The following TSPAN13 variants were observed in gnomAD, a reference collection of about 807,000 sequenced individuals.
TSPAN13 encodes the protein tetraspanin-13.
In TSPAN13, 18 loss-of-function variants were observed where a neutral mutation model predicts 26.9. The observed-to-expected ratio is 0.67, with a 90% CI of 0.46 to 0.99. TSPAN13 has a LOEUF of 0.99. Ranked by LOEUF, TSPAN13 falls within the 50% of genes least tolerant of loss-of-function variation. TSPAN13 has a pLI of 0.00. For missense variants in TSPAN13, 201 were observed against 249.6 expected, an observed-to-expected ratio of 0.81 and a Z score of 1.31; for synonymous variants, 116 against 98.4, an observed-to-expected ratio of 1.18 and a Z score of -1.06.
chr7:16,772,306 A>G (rs1447819281), intron 1 of TSPAN13, among the ~76,000 whole-genome samples: 1 of 152,160 alleles, frequency 6.6e-6, no homozygotes, highest in African/African-American at 2.4e-5. Context: ...TCAAACTCCA[A>G]ATAGGTGAAT....
chr7:16,768,977 A>G (rs1055996258), intron 1 of TSPAN13, among the ~76,000 whole-genome samples: 3 of 151,976 alleles, frequency 2.0e-5, no homozygotes, highest in Admixed American at 2.0e-4. Flanking sequence ...CCTGGGTTCA[A>G]GCTATTTCTG....
chr7:16,781,243 C>A (rs559129676), intron 5 of TSPAN13, among the ~76,000 whole-genome samples: 1 of 152,228 alleles, frequency 6.6e-6, no homozygotes, highest in African/African-American at 2.4e-5. Context: ...CAGAAACAAT[C>A]ATTTATATTG....
At chr7:16,757,725 T>C (rs1244990180) in intron 1 of TSPAN13, among the ~76,000 whole-genome samples, 5 of 152,210 alleles carry the variant, frequency 3.3e-5, no homozygotes, top group Admixed American at 2.6e-4. Flanking sequence ...CTTATACTTT[T>C]GGTTGTTTTG....
At chr7:16,774,289 T>G (rs1784714912) in intron 1 of TSPAN13, among the ~76,000 whole-genome samples, 1 of 152,176 alleles carries the variant, frequency 6.6e-6, no homozygotes. Flanking sequence ...TAGATATAGA[T>G]GTATTTCCTA....
intron 1 of TSPAN13, among the ~76,000 whole-genome samples, chr7:16,768,266 G>C (rs1319867588): frequency 1.3e-5 from 2 of 152,162 alleles, no homozygotes; most frequent in African/African-American, 4.8e-5. Context: ...AGTCCTAGGT[G>C]TCTCTCACAT....
Position 16,753,838 on chromosome 7 carries a change from C to G in TSPAN13, c.-130C>G. 2.0e-6 allele frequency: 2 copies of G among 991,334 alleles called. No individual in the cohort carries two copies. Among genetic ancestry groups the G allele is most frequent in the East Asian group, 2.8e-5 (1 of 36,240 alleles). The allele number at this position is 991,334 out of a possible 1,614,324, so 61.4% of individuals were successfully genotyped here. A position where few individuals can be genotyped will look rare whatever the true frequency, so the allele number is the denominator to read the frequency against. ...CGCCGCGCACTGCAGCCCCAGGCCC[C>G]GGCCCCCCACCCACGTCTGCGTTGC... On this transcript the variant is annotated 5_prime_UTR_variant, in exon 1 of 6. Coordinates refer to ENST00000262067, the MANE Select transcript of TSPAN13 (RefSeq NM_014399.4).
chr7:16,772,603 A>C (rs1283013980), intron 1 of TSPAN13, among the ~76,000 whole-genome samples: 6 of 152,090 alleles, frequency 3.9e-5, no homozygotes, highest in African/African-American at 1.4e-4. Flanking sequence ...CTCTCTCTTA[A>C]GGATACCTGT....
chr7:16,773,930 T>A (rs1018973372), intron 1 of TSPAN13, among the ~76,000 whole-genome samples: 5 of 152,242 alleles, frequency 3.3e-5, no homozygotes, highest in African/African-American at 1.2e-4. Context: ...AATGTGATGG[T>A]TGATTTTATA....
chr7:16,764,033 A>T (rs970506930), intron 1 of TSPAN13, among the ~76,000 whole-genome samples: 6 of 151,958 alleles, frequency 3.9e-5, no homozygotes, highest in Non-Finnish European at 8.8e-5. Context: ...TTTTATTTTT[A>T]TTTGAGATGG....
chr7:16,770,203 T>TTTA (rs1462605722), intron 1 of TSPAN13, among the ~76,000 whole-genome samples: 2 of 151,144 alleles, frequency 1.3e-5, no homozygotes, highest in African/African-American at 4.8e-5. Flanking sequence ...ATTTTATTAT[T>TTTA]TTATTATTAT....
intron 1 of TSPAN13, 56 bp downstream of exon 1, chr7:16,754,086 C>T (rs373740374): frequency 2.6e-6 from 4 of 1,565,984 alleles, no homozygotes; most frequent in South Asian, 1.1e-5. Context: ...TGCTTGGGAG[C>T]TCTTTGGCTT....
intron 1 of TSPAN13, among the ~76,000 whole-genome samples, chr7:16,755,371 T>C (rs1784470920): frequency 6.6e-6 from 1 of 152,162 alleles, no homozygotes; most frequent in East Asian, 1.9e-4. Context: ...AGTAAGAATC[T>C]GGTCAACATG....
intron 1 of TSPAN13, among the ~76,000 whole-genome samples, chr7:16,768,359 A>G (rs1054518450): frequency 3.9e-5 from 6 of 152,198 alleles, no homozygotes; most frequent in African/African-American, 1.4e-4. Context: ...ACACAGATCT[A>G]CAGCCAGGTA....
intron 1 of TSPAN13, among the ~76,000 whole-genome samples, chr7:16,760,636 G>A (rs1463188350): frequency 6.6e-6 from 1 of 152,110 alleles, no homozygotes; most frequent in Non-Finnish European, 1.5e-5. Context: ...GAAGGGCAGT[G>A]GTCCATGGAT....
chr7:16,776,277 C>G lies in TSPAN13; in HGVS notation c.130C>G (p.Arg44Gly), dbSNP rs769495497. 3 of 1,613,928 alleles carry G rather than the reference C, an allele frequency of 1.9e-6. No individual in the cohort carries two copies. Among genetic ancestry groups the G allele is most frequent in the African/African-American group, 2.7e-5 (2 of 74,872 alleles). The change falls in exon 2 of 6, where the codon CGA becomes GGA. Residue 44 changes from arginine to glycine, a missense_variant. Physicochemically the swap from Arg to Gly is moderately radical, Grantham distance 125. Coordinates refer to ENST00000262067, the MANE Select transcript of TSPAN13 (RefSeq NM_014399.4). ...TGGCTTCGGGCTGATTTCCAGTCTCCGAGTGGTCGGCGTGGTCATTGCAGT... is the reference window on the plus strand; with the variant it reads ...TGGCTTCGGGCTGATTTCCAGTCTCGGAGTGGTCGGCGTGGTCATTGCAGT... ...GIGFGLISSL[R>G]VVGVVIAVGI...
intron 1 of TSPAN13, among the ~76,000 whole-genome samples, chr7:16,765,879 A>C (rs867111408): frequency 6.6e-6 from 1 of 152,182 alleles, no homozygotes; most frequent in African/African-American, 2.4e-5. Flanking sequence ...CTAGTGACAA[A>C]CCTAGGCTTT....
In TSPAN13 at chr7:16,783,802, T is replaced by C; in HGVS notation, c.*311T>C. 1 of 361,058 alleles carries C rather than the reference T, an allele frequency of 2.8e-6. No individual in the cohort carries two copies. The highest frequency in any genetic ancestry group is 5.1e-5 in the East Asian group (1 of 19,724). 22.4% of individuals were successfully genotyped at this position (361,058 alleles called of 1,614,324 possible). ...AGAAAAACTTTGTATGGTACCACTG[T>C]GTTGGTTATATGGTGAATCTGAACG... On this transcript the variant is annotated 3_prime_UTR_variant, in exon 6 of 6. Coordinates refer to ENST00000262067, the MANE Select transcript of TSPAN13 (RefSeq NM_014399.4).
chr7:16,771,169 C>G (rs186192225), intron 1 of TSPAN13, among the ~76,000 whole-genome samples: 1 of 152,182 alleles, frequency 6.6e-6, no homozygotes, highest in Non-Finnish European at 1.5e-5. Context: ...TTCTAGCTTT[C>G]GATTCTCCTT....
chr7:16,763,751 T>C (rs1046874620), intron 1 of TSPAN13, among the ~76,000 whole-genome samples: 7 of 152,186 alleles, frequency 4.6e-5, no homozygotes, highest in African/African-American at 1.7e-4. Context: ...GGCCAGAATT[T>C]TGTGTGTCTG....
Sources: allele counts gnomAD v4.1 joint callset (sites outside exome capture counted in the v4.1 genomes callset), GRCh38; gene constraint gnomAD v4.1.1; transcripts MANE v1.5; gene names NCBI Gene and HGNC (gene_info 2026-07-23, HGNC 2026-07-21).